UBE3C: variants seen among roughly 807,000 people sequenced by gnomAD.
The protein encoded by UBE3C is ubiquitin protein ligase E3C.
Under a neutral mutation model 129.4 loss-of-function variants are expected in UBE3C, and 42 were observed. That is an observed-to-expected ratio of 0.32 (90% confidence interval 0.25 to 0.42). The LOEUF (loss-of-function observed/expected upper bound fraction) is 0.42. Ranked by LOEUF, UBE3C falls within the 10% of genes least tolerant of loss-of-function variation. The pLI, the probability that UBE3C is intolerant of heterozygous loss-of-function variation, is 1.00. For synonymous variants in UBE3C, 510 were observed against 492.4 expected (o/e 1.04, Z -0.47); for missense variants, 1,049 against 1,319.1 (o/e 0.80, Z 3.17).
At chr7:157,199,575 A>G (rs183169845) in intron 10 of UBE3C, among the ~76,000 whole-genome samples, 120 of 151,942 alleles carry the variant, frequency 7.9e-4, no homozygotes, top group African/African-American at 2.7e-3. Flanking sequence ...GGTTCAGGCA[A>G]TTCTCCTGCC....
rs1584806369 is a variant in UBE3C at position 157,231,414 on chromosome 7, A to G, written c.2481+87A>G. On this transcript the variant is annotated intron_variant, in intron 18 of 22. Transcript: ENST00000348165. ...TGTGTGGTTGTTATCCAGGTTTACC[A>G]TAAAATACTGTTTGTTTTAAATTTG... The G allele has an allele frequency of 4.5e-6, 7 of 1,539,868 alleles. No homozygotes were observed. In the South Asian group the frequency reaches 5.0e-5, roughly 11 times the overall value.
chr7:157,226,197 G>A (rs1490254471), intron 17 of UBE3C, among the ~76,000 whole-genome samples: 2 of 152,148 alleles, frequency 1.3e-5, no homozygotes, highest in East Asian at 3.9e-4. Context: ...ATCACAAATT[G>A]TAAGCCAAAT....
rs780977636 is a variant in UBE3C, at chr7:157,217,051, A to G, written c.1914+80A>G. On this transcript the variant is annotated intron_variant, in intron 14 of 22. Coordinates refer to ENST00000348165, the MANE Select transcript of UBE3C (RefSeq NM_014671.3). The stretch of plus-strand genomic sequence containing the variant: ...GTCTTTCTGGAGAGAAGAATTAAGC[A>G]CTTTAAAATTATTTATTTTATGACT... 8.7e-6 allele frequency: 10 copies of G among 1,143,690 alleles called. No individual in the cohort carries two copies. In the Admixed American group the frequency reaches 2.0e-4, roughly 23 times the overall value. 70.8% of individuals were successfully genotyped at this position (1,143,690 alleles called of 1,614,324 possible).
At position 157,264,604 on chromosome 7, in the gene UBE3C, A is replaced by C. The variant is rs549530172; in HGVS notation, c.3082-2981A>C. Among the ~76,000 whole-genome samples, 27 of 152,300 alleles carry C rather than the reference A, an allele frequency of 1.8e-4. 1 individual carries two copies. In the South Asian group the frequency reaches 5.6e-3, roughly 32 times the overall value. ...ACACAAACATATATATTTTTAAGACAGAGTTTCACTCTTATTGCCCAGGCT... is the reference window on the plus strand; with the variant it reads ...ACACAAACATATATATTTTTAAGACCGAGTTTCACTCTTATTGCCCAGGCT... On this transcript the variant is annotated intron_variant, in intron 22 of 22. Coordinates refer to ENST00000348165, the MANE Select transcript of UBE3C (RefSeq NM_014671.3).
intron 1 of UBE3C, among the ~76,000 whole-genome samples, chr7:157,141,386 G>A (rs558997055): frequency 5.8e-4 from 89 of 152,322 alleles, no homozygotes; most frequent in African/African-American, 2.0e-3. Flanking sequence ...TAAAGAGGGG[G>A]ACGCTGTCAC....
intron 1 of UBE3C, among the ~76,000 whole-genome samples, chr7:157,162,440 G>A (rs750794140): frequency 3.9e-5 from 6 of 151,910 alleles, no homozygotes; most frequent in Admixed American, 6.6e-5. Flanking sequence ...TGATCTGCCC[G>A]CCTCGGCCTC....
At chr7:157,213,643 A>G (rs1362642079) in intron 13 of UBE3C, among the ~76,000 whole-genome samples, 2 of 152,256 alleles carry the variant, frequency 1.3e-5, no homozygotes, top group Admixed American at 1.3e-4. Context: ...CGAGATCACA[A>G]AATGGATCCA....
At chr7:157,257,193 T>C (rs77708214) in intron 22 of UBE3C, 149 bp downstream of exon 22, 1 of 1,159,674 alleles carries the variant, frequency 8.6e-7, no homozygotes, top group Non-Finnish European at 1.2e-6. Context: ...TTATGATGTA[T>C]ATATTTTGGT....
chr7:157,248,702 CTG>C, intron 19 of UBE3C, 122 bp downstream of exon 19: 2 of 1,113,996 alleles, frequency 1.8e-6, no homozygotes, highest in Non-Finnish European at 2.6e-6. Context: ...ATGACTGTGG[CTG>C]TGAGTTAGAC....
intron 1 of UBE3C, among the ~76,000 whole-genome samples, chr7:157,141,201 C>T (rs1331789048): frequency 6.6e-6 from 1 of 152,076 alleles, no homozygotes; most frequent in Non-Finnish European, 1.5e-5. Flanking sequence ...GGCATGGGTG[C>T]CCTGGCCTGG....
At position 157,201,723 on chromosome 7, in the gene UBE3C, TTC is replaced by T; in HGVS notation, c.1338_1339del (p.Tyr447GlnfsTer5). The T allele has an allele frequency of 6.2e-7, 1 of 1,602,606 alleles. No individual in the cohort carries two copies. Among genetic ancestry groups the T allele is most frequent in the African/African-American group, 1.3e-5 (1 of 74,208 alleles). ...GTTTTTCTCCTATTCCTTTTTAGGC[TTC>T]TCTACAGTTTAGCCTTTAATGCCAG... On this transcript the variant is annotated frameshift_variant, in exon 11 of 23. Coordinates refer to ENST00000348165, the MANE Select transcript of UBE3C (RefSeq NM_014671.3). LOFTEE classifies it high-confidence loss of function.
intron 22 of UBE3C, among the ~76,000 whole-genome samples, chr7:157,259,210 C>G (rs77951582): frequency 6.6e-6 from 1 of 152,248 alleles, no homozygotes; most frequent in African/African-American, 2.4e-5. Context: ...AGCGGAGCCC[C>G]GCAGTCACGT....
intron 1 of UBE3C, among the ~76,000 whole-genome samples, chr7:157,145,762 CT>C (rs554147176): frequency 6.6e-5 from 10 of 150,896 alleles, no homozygotes; most frequent in East Asian, 3.9e-4. Context: ...AATTAATAAG[CT>C]TTTTTTTTAG....
At chr7:157,218,638 G>A (rs1266767325) in intron 14 of UBE3C, among the ~76,000 whole-genome samples, 1 of 152,200 alleles carries the variant, frequency 6.6e-6, no homozygotes, top group Non-Finnish European at 1.5e-5. Flanking sequence ...CAGTTCTGGG[G>A]CCCAGGCTGG....
intron 4 of UBE3C, 122 bp from the exon 5 acceptor site, chr7:157,174,797 C>A: frequency 1.5e-6 from 1 of 655,718 alleles, no homozygotes; most frequent in Admixed American, 3.3e-5. Flanking sequence ...ACTTCTTAAC[C>A]ATCTTTTGAT....
At chr7:157,243,512 G>C (rs1796399204) in intron 18 of UBE3C, among the ~76,000 whole-genome samples, 1 of 152,194 alleles carries the variant, frequency 6.6e-6, no homozygotes. Context: ...CTCACGTTTA[G>C]AGATTGGCTT....
intron 9 of UBE3C, 81 bp from the exon 10 acceptor site, chr7:157,186,753 G>A: frequency 1.3e-6 from 2 of 1,506,392 alleles, no homozygotes; most frequent in Non-Finnish European, 1.8e-6. Flanking sequence ...GAAGAAAAAT[G>A]TGATTTCGTA....
chr7:157,266,869 G>A (rs1797091479), intron 22 of UBE3C, among the ~76,000 whole-genome samples: 1 of 151,872 alleles, frequency 6.6e-6, no homozygotes, highest in African/African-American at 2.4e-5. Context: ...CAAGTAGCTG[G>A]GAGTATAGGG....
intron 9 of UBE3C, 32 bp downstream of exon 9, chr7:157,184,061 C>T (rs1366684642): frequency 1.1e-5 from 17 of 1,605,776 alleles, no homozygotes; most frequent in South Asian, 4.4e-5. Context: ...TGGGGGGCTG[C>T]GATGCAGGCA....
Sources: allele counts gnomAD v4.1 joint callset (sites outside exome capture counted in the v4.1 genomes callset), GRCh38; gene constraint gnomAD v4.1.1; transcripts MANE v1.5; gene names NCBI Gene and HGNC (gene_info 2026-07-23, HGNC 2026-07-21).